The following CORIN variants were observed in gnomAD, a reference collection of about 807,000 sequenced individuals.
The protein encoded by CORIN is atrial natriuretic peptide-converting enzyme.
Under a neutral mutation model 125.3 loss-of-function variants are expected in CORIN, and 117 were observed. That is an observed-to-expected ratio of 0.93 (90% CI 0.80 to 1.09). The LOEUF is 1.09. Among genes scored for constraint, CORIN ranks in the 50% least tolerant of loss-of-function variants. The pLI is 0.00. For synonymous variants in CORIN, 450 were observed against 466.4 expected (o/e 0.96, Z 0.45); for missense variants, 1,253 against 1,306.7 (o/e 0.96, Z 0.63).
chr4:47,642,480 A>T (rs1723273949), intron 15 of CORIN, among the ~76,000 whole-genome samples: 1 of 152,230 alleles, frequency 6.6e-6, no homozygotes, highest in Non-Finnish European at 1.5e-5. Flanking sequence ...ATATGTGTTA[A>T]TTCCTATTAT....
Position 47,654,791 on chromosome 4 carries a change from G to A in CORIN, c.1736-1131C>T, listed in dbSNP as rs550123271. Among the ~76,000 whole-genome samples, 4 of 152,202 alleles carry A rather than the reference G, an allele frequency of 2.6e-5. No homozygotes were observed. In the East Asian group the frequency reaches 7.8e-4, roughly 30 times the overall value. The stretch of plus-strand genomic sequence containing the variant: ...AAGTCCTGATGCTGTGCTGGGCTTG[G>A]AGACAGTGGACTTGGGGGCATGCAA... On this transcript the variant is annotated intron_variant, in intron 12 of 21. Transcript: ENST00000273857.
intron 1 of CORIN, among the ~76,000 whole-genome samples, chr4:47,830,272 C>A (rs976059688): frequency 6.6e-6 from 1 of 151,552 alleles, no homozygotes; most frequent in African/African-American, 2.4e-5. Flanking sequence ...CGGTTGAGTA[C>A]CAGATTAATT....
intron 5 of CORIN, among the ~76,000 whole-genome samples, chr4:47,720,091 T>C (rs972718360): frequency 6.6e-6 from 1 of 152,208 alleles, no homozygotes; most frequent in South Asian, 2.1e-4. Context: ...CTTTGCTTCA[T>C]AAAAATAGCA....
At chr4:47,606,523 G>A (rs1721649490) in intron 19 of CORIN, among the ~76,000 whole-genome samples, 1 of 152,110 alleles carries the variant, frequency 6.6e-6, no homozygotes, top group Admixed American at 6.5e-5. Flanking sequence ...GCCTCCTAAA[G>A]TGCTAGGACT....
At chr4:47,821,670 A>G (rs1732521427) in intron 1 of CORIN, among the ~76,000 whole-genome samples, 1 of 152,080 alleles carries the variant, frequency 6.6e-6, no homozygotes, top group African/African-American at 2.4e-5. Flanking sequence ...CACAGTTGGT[A>G]TTCCCAAGCA....
At chr4:47,719,126 T>C (rs928883244) in intron 5 of CORIN, among the ~76,000 whole-genome samples, 1 of 152,168 alleles carries the variant, frequency 6.6e-6, no homozygotes, top group Non-Finnish European at 1.5e-5. Context: ...GAAATTTACA[T>C]CTCCAAATTA....
At chr4:47,777,890 A>G (rs1341009033) in intron 3 of CORIN, among the ~76,000 whole-genome samples, 1 of 152,228 alleles carries the variant, frequency 6.6e-6, no homozygotes, top group Non-Finnish European at 1.5e-5. Flanking sequence ...TTATACAAAT[A>G]CTTAAAACCT....
At chr4:47,627,232 C>T (rs2109567919) in intron 16 of CORIN, among the ~76,000 whole-genome samples, 1 of 152,266 alleles carries the variant, frequency 6.6e-6, no homozygotes, top group African/African-American at 2.4e-5. Context: ...GTCTGCCCAC[C>T]TCAGCATCCC....
chr4:47,605,053 C>CA (rs1278779771), intron 19 of CORIN, among the ~76,000 whole-genome samples: 1 of 152,090 alleles, frequency 6.6e-6, no homozygotes, highest in East Asian at 1.9e-4. Context: ...GATGTTCCCC[C>CA]AGCTCTCACA....
chr4:47,632,725 TGATAGATAGATA>T (rs1553905875), intron 16 of CORIN, among the ~76,000 whole-genome samples: 42 of 126,760 alleles, frequency 3.3e-4, no homozygotes, highest in Admixed American at 1.9e-3. Context: ...TGACAATAGA[TGATAGATAGATA>T]GATAGATAGA....
At chr4:47,737,272 G>A (rs1728175251) in intron 5 of CORIN, among the ~76,000 whole-genome samples, 1 of 152,148 alleles carries the variant, frequency 6.6e-6, no homozygotes, top group African/African-American at 2.4e-5. Flanking sequence ...CATATATGTG[G>A]CACATACGTG....
At chr4:47,761,480 T>TACACACACACACACAC (rs142904418) in intron 4 of CORIN, among the ~76,000 whole-genome samples, 266 of 144,476 alleles carry the variant, frequency 1.8e-3, no homozygotes, top group African/African-American at 6.4e-3. Context: ...GAAAATGTGA[T>TACACACACACACACAC]ACACACACAC....
intron 10 of CORIN, 96 bp downstream of exon 10, chr4:47,674,297 G>T: frequency 1.2e-6 from 1 of 863,410 alleles, no homozygotes; most frequent in Non-Finnish European, 1.9e-6. Context: ...TTTTTTGGAG[G>T]GATTCCAGAC....
chr4:47,767,866 C>A (rs1338652512), intron 3 of CORIN, among the ~76,000 whole-genome samples: 2 of 152,158 alleles, frequency 1.3e-5, no homozygotes, highest in African/African-American at 4.8e-5. Flanking sequence ...CTTAACAAGA[C>A]TGACTCATGA....
At chr4:47,822,988 G>A (rs925542007) in intron 1 of CORIN, among the ~76,000 whole-genome samples, 17 of 152,132 alleles carry the variant, frequency 1.1e-4, no homozygotes, top group African/African-American at 3.6e-4. Context: ...GCTAATTTCT[G>A]TATTTTTAGT....
intron 2 of CORIN, among the ~76,000 whole-genome samples, chr4:47,805,494 T>C (rs1731755326): frequency 1.3e-5 from 2 of 152,196 alleles, no homozygotes; most frequent in Admixed American, 1.3e-4. Flanking sequence ...CATCACCTTT[T>C]ACTTAGACCA....
chr4:47,777,996 G>GT (rs1730375577), intron 3 of CORIN, among the ~76,000 whole-genome samples: 2 of 152,084 alleles, frequency 1.3e-5, no homozygotes, highest in South Asian at 4.1e-4. Flanking sequence ...CATAGTTTGG[G>GT]TTTTTTTGGT....
intron 3 of CORIN, among the ~76,000 whole-genome samples, chr4:47,785,437 C>A (rs1222374388): frequency 6.6e-6 from 1 of 152,348 alleles, no homozygotes; most frequent in East Asian, 1.9e-4. Flanking sequence ...TCTCTCCCAG[C>A]TCTTCTGGAA....
At chr4:47,786,660 G>T in intron 3 of CORIN, 65 bp downstream of exon 3, 1 of 1,282,104 alleles carries the variant, frequency 7.8e-7, no homozygotes, top group Non-Finnish European at 1.1e-6. Context: ...AGCATTGGTT[G>T]CCAAACTTAA....
Sources: allele counts gnomAD v4.1 joint callset (sites outside exome capture counted in the v4.1 genomes callset), GRCh38; gene constraint gnomAD v4.1.1; transcripts MANE v1.5; gene names NCBI Gene and HGNC (gene_info 2026-07-23, HGNC 2026-07-21).